The following USH2A variants were observed in gnomAD, a reference collection of about 807,000 sequenced individuals.
USH2A encodes Usher syndrome 2A (autosomal recessive, mild).
USH2A carries 443 observed loss-of-function variants against 538.9 expected under a neutral mutation model. The observed-to-expected ratio is 0.82, with a 90% CI of 0.76 to 0.89. USH2A has a LOEUF of 0.89. Among genes scored for constraint, USH2A ranks in the 40% least tolerant of loss-of-function variants. The pLI is 0.00. For synonymous variants in USH2A, 2,413 were observed against 2,273.5 expected, an observed-to-expected ratio of 1.06 and a Z score of -1.75; for missense variants, 6,633 against 6,324.8, an observed-to-expected ratio of 1.05 and a Z score of -1.65.
At chr1:216,299,168 T>C (rs999660083) in intron 9 of USH2A, among the ~76,000 whole-genome samples, 2 of 151,782 alleles carry the variant, frequency 1.3e-5, no homozygotes, top group Non-Finnish European at 2.9e-5. Context: ...AGCTGCTTGA[T>C]AAAGATTTTC....
At chr1:216,238,861 C>T (rs889625855) in intron 13 of USH2A, among the ~76,000 whole-genome samples, 3 of 152,094 alleles carry the variant, frequency 2.0e-5, no homozygotes, top group Non-Finnish European at 4.4e-5. Flanking sequence ...CCCTTCCTAC[C>T]CCATCCTTCT....
intron 21 of USH2A, among the ~76,000 whole-genome samples, chr1:216,103,875 C>T (rs1185563792): frequency 6.6e-6 from 1 of 152,098 alleles, no homozygotes; most frequent in Non-Finnish European, 1.5e-5. Context: ...TCCATACTCA[C>T]TAGAATTGGT....
intron 32 of USH2A, among the ~76,000 whole-genome samples, chr1:216,037,761 T>C (rs1231733481): frequency 6.6e-6 from 1 of 151,836 alleles, no homozygotes; most frequent in African/African-American, 2.4e-5. Flanking sequence ...GGGGGTTTGG[T>C]GTACAGATTA....
At chr1:215,729,590 A>T (rs1253681909) in intron 60 of USH2A, among the ~76,000 whole-genome samples, 1 of 148,070 alleles carries the variant, frequency 6.8e-6, no homozygotes, top group Non-Finnish European at 1.5e-5. Flanking sequence ...TGAAAATAAC[A>T]TGATAAGTAA....
chr1:216,319,940 G>A (rs575563192), intron 9 of USH2A, among the ~76,000 whole-genome samples: 13 of 152,294 alleles, frequency 8.5e-5, no homozygotes, highest in African/African-American at 3.1e-4. Flanking sequence ...TGTAGGGCAA[G>A]GTCCAAGAGG....
intron 62 of USH2A, among the ~76,000 whole-genome samples, chr1:215,677,066 GTTGA>G (rs1337433272): frequency 6.6e-6 from 1 of 151,914 alleles, no homozygotes; most frequent in Admixed American, 6.6e-5. Flanking sequence ...CTCCCTCACC[GTTGA>G]TTGATTGTTG....
intron 22 of USH2A, among the ~76,000 whole-genome samples, chr1:216,090,311 C>T (rs1319090993): frequency 6.6e-6 from 1 of 151,026 alleles, no homozygotes; most frequent in Non-Finnish European, 1.5e-5. Context: ...TTCTGTTTAT[C>T]TTTCTCTGAA....
intron 64 of USH2A, among the ~76,000 whole-genome samples, chr1:215,670,251 A>G (rs1460768673): frequency 6.6e-6 from 1 of 152,154 alleles, no homozygotes; most frequent in Non-Finnish European, 1.5e-5. Flanking sequence ...TGTGCCCACC[A>G]CTTGGCTAGA....
At chr1:216,282,669 T>G (rs1240199934) in intron 11 of USH2A, among the ~76,000 whole-genome samples, 1 of 152,180 alleles carries the variant, frequency 6.6e-6, no homozygotes, top group Admixed American at 6.5e-5. Flanking sequence ...TTTCCAACTC[T>G]TTTTTTATAA....
chr1:215,956,030 AT>A (rs571378221), intron 37 of USH2A, among the ~76,000 whole-genome samples: 1 of 151,978 alleles, frequency 6.6e-6, no homozygotes, highest in African/African-American at 2.4e-5. Context: ...AGATGGCTAG[AT>A]TTTTTTTCTA....
intron 22 of USH2A, among the ~76,000 whole-genome samples, chr1:216,095,964 C>G (rs1411469045): frequency 6.6e-6 from 1 of 152,130 alleles, no homozygotes; most frequent in Non-Finnish European, 1.5e-5. Flanking sequence ...TGATTTAGAT[C>G]ATCAGTTTTA....
intron 35 of USH2A, among the ~76,000 whole-genome samples, chr1:215,980,622 C>G (rs1421399894): frequency 6.6e-6 from 1 of 152,050 alleles, no homozygotes; most frequent in Non-Finnish European, 1.5e-5. Context: ...TTTGAAGAAC[C>G]ATGTCCTTGC....
intron 61 of USH2A, among the ~76,000 whole-genome samples, chr1:215,682,770 A>G (rs981688156): frequency 6.6e-6 from 1 of 151,602 alleles, no homozygotes; most frequent in Non-Finnish European, 1.5e-5. Flanking sequence ...AAAAAGGGAG[A>G]GAAATAACCA....
chr1:215,701,698 A>T (rs1253105626), intron 61 of USH2A, among the ~76,000 whole-genome samples: 1 of 151,868 alleles, frequency 6.6e-6, no homozygotes, highest in Non-Finnish European at 1.5e-5. Context: ...CTTCGTTTTG[A>T]GCCTATGTGT....
chr1:215,879,004 G>A lies in USH2A; in HGVS notation c.8318C>T (p.Ser2773Phe), dbSNP rs1413784848. 4 of 1,613,900 alleles carry A rather than the reference G, an allele frequency of 2.5e-6. No homozygotes were observed. The African/African-American group carries it at 5.3e-5, about 22-fold the overall frequency. The change falls in exon 42 of 72, where the codon TCC becomes TTC. Residue 2773 changes from serine to phenylalanine, a missense_variant. Physicochemically the swap from Ser to Phe is radical, Grantham distance 155. Coordinates refer to ENST00000307340, the MANE Select transcript of USH2A (RefSeq NM_206933.4). ...DPHITLTNVT[S>F]AVLSQKVTHL... ...AGTAACTTTTTGACTTAACACTGCG[G>A]AAGTCACATTGGTTAAAGTGATGTG...
At chr1:216,087,176 A>G (rs374130749) in intron 23 of USH2A, among the ~76,000 whole-genome samples, 4 of 152,238 alleles carry the variant, frequency 2.6e-5, no homozygotes, top group African/African-American at 9.6e-5. Context: ...ATCCCTGTTC[A>G]TATTTCTAAT....
intron 21 of USH2A, among the ~76,000 whole-genome samples, chr1:216,100,500 C>T (rs2032551999): frequency 6.6e-6 from 1 of 152,136 alleles, no homozygotes; most frequent in Non-Finnish European, 1.5e-5. Context: ...TCTGTCACCA[C>T]TTTTTATGTG....
At chr1:215,955,812 T>C (rs1293744308) in intron 37 of USH2A, among the ~76,000 whole-genome samples, 3 of 152,208 alleles carry the variant, frequency 2.0e-5, no homozygotes, top group Non-Finnish European at 4.4e-5. Flanking sequence ...TCTTGGTATA[T>C]AGAACTATGA....
At chr1:216,227,319 T>C (rs1264331377) in intron 14 of USH2A, among the ~76,000 whole-genome samples, 3 of 152,224 alleles carry the variant, frequency 2.0e-5, no homozygotes, top group Non-Finnish European at 4.4e-5. Context: ...CTTTTATTTT[T>C]TAAATCATGT....
Sources: gnomAD v4.1 joint callset for allele counts (sites outside exome capture counted in the v4.1 genomes callset) on GRCh38, gnomAD v4.1.1 for gene constraint, MANE v1.5 for transcripts, NCBI Gene and HGNC (gene_info 2026-07-23, HGNC 2026-07-21) for gene names.